SLC9A8: variants seen among roughly 807,000 people sequenced by gnomAD.
SLC9A8 encodes sodium/hydrogen exchanger 8.
SLC9A8 carries 48 observed loss-of-function variants against 66.6 expected under a neutral mutation model. The ratio of observed to expected loss-of-function variants is 0.72; its 90% CI spans 0.57 to 0.92. SLC9A8 has a LOEUF of 0.92. Among genes scored for constraint, SLC9A8 ranks in the 40% least tolerant of loss-of-function variants. SLC9A8 has a pLI of 0.00. For missense variants in SLC9A8, 599 were observed against 747.3 expected (o/e 0.80, Z 2.31); for synonymous variants, 274 against 282.6 (o/e 0.97, Z 0.31).
chr20:49,829,436 T>C (rs1327765793), intron 3 of SLC9A8: 6 of 182,178 alleles, frequency 3.3e-5, no homozygotes, highest in Non-Finnish European at 5.6e-5. Flanking sequence ...GGCAGGAGAA[T>C]AGCATGAACC....
chr20:49,824,068 C>T (rs771074705), intron 3 of SLC9A8, among the ~76,000 whole-genome samples: 2 of 152,206 alleles, frequency 1.3e-5, no homozygotes, highest in Non-Finnish European at 2.9e-5. Flanking sequence ...CCCCAGCAGT[C>T]CTACTACCTT....
chr20:49,843,738 T>C (rs1480873169), intron 4 of SLC9A8, among the ~76,000 whole-genome samples: 1 of 152,212 alleles, frequency 6.6e-6, no homozygotes, highest in Admixed American at 6.5e-5. Context: ...TAGTGGCACT[T>C]AATAATCAAA....
At chr20:49,860,242 G>A (rs1334614141) in intron 8 of SLC9A8, among the ~76,000 whole-genome samples, 4 of 152,126 alleles carry the variant, frequency 2.6e-5, no homozygotes, top group African/African-American at 9.7e-5. Flanking sequence ...GAAAGAAGGG[G>A]GATTGGGGAG....
chr20:49,883,916 C>G lies in SLC9A8; in HGVS notation c.1341C>G (p.Leu447=). The G allele has an allele frequency of 1.2e-6, 2 of 1,611,724 alleles. No individual in the cohort carries two copies. The highest frequency in any genetic ancestry group is 2.2e-5 in the South Asian group (2 of 91,090). Reference sequence around the variant, plus strand: ...TGGAGCCCATGGAGAAGCGGCAGCTCATCGGCACCACCACCATCGTCATCG... The same window carrying G: ...TGGAGCCCATGGAGAAGCGGCAGCTGATCGGCACCACCACCATCGTCATCG... ...LDLEPMEKRQ[L]IGTTTIVIVL... The change falls in exon 14 of 16, where the codon CTC becomes CTG. Residue 447 remains leucine, a synonymous_variant. Transcript: ENST00000361573.
At chr20:49,834,877 C>G (rs2087467480) in intron 3 of SLC9A8, among the ~76,000 whole-genome samples, 1 of 152,066 alleles carries the variant, frequency 6.6e-6, no homozygotes, top group African/African-American at 2.4e-5. Flanking sequence ...AAACACTAAG[C>G]TTTAAAAATG....
At chr20:49,875,883 C>T (rs1440332296) in intron 11 of SLC9A8, among the ~76,000 whole-genome samples, 4 of 152,130 alleles carry the variant, frequency 2.6e-5, no homozygotes, top group Admixed American at 6.5e-5. Flanking sequence ...TATAGGTGCC[C>T]GCCACCATGC....
chr20:49,874,893 A>C (rs1195172749), intron 11 of SLC9A8, 72 bp downstream of exon 11: 1 of 1,057,592 alleles, frequency 9.5e-7, no homozygotes, highest in Non-Finnish European at 1.5e-6. Flanking sequence ...CCTGTTTGAG[A>C]AGTCAGTTGA....
chr20:49,880,223 C>T (rs1351030150), intron 12 of SLC9A8, among the ~76,000 whole-genome samples: 2 of 145,754 alleles, frequency 1.4e-5, no homozygotes, highest in Non-Finnish European at 3.0e-5. Flanking sequence ...ACAATCACAC[C>T]ACTGCACTCC....
chr20:49,843,830 G>A (rs2087865721), intron 4 of SLC9A8, among the ~76,000 whole-genome samples: 1 of 152,166 alleles, frequency 6.6e-6, no homozygotes, highest in Non-Finnish European at 1.5e-5. Flanking sequence ...GGAAGTGTTT[G>A]GGTCATGGGG....
chr20:49,829,924 A>G, intron 3 of SLC9A8: 6 of 581,648 alleles, frequency 1.0e-5, no homozygotes, highest in South Asian at 8.4e-5. Context: ...AAAGAATCCA[A>G]GAGCAAAGTC....
At chr20:49,822,501 C>T (rs1600637968) in intron 2 of SLC9A8, among the ~76,000 whole-genome samples, 1 of 152,158 alleles carries the variant, frequency 6.6e-6, no homozygotes, top group South Asian at 2.1e-4. Flanking sequence ...AAATAGGTTT[C>T]TGGCTGATCA....
chr20:49,875,013 A>G (rs562648513), intron 11 of SLC9A8, among the ~76,000 whole-genome samples, 192 bp downstream of exon 11: 1 of 152,344 alleles, frequency 6.6e-6, no homozygotes, highest in African/African-American at 2.4e-5. Context: ...CAAACACCTA[A>G]TAAATGAACA....
At chr20:49,820,499 GA>G (rs947600690) in intron 2 of SLC9A8, among the ~76,000 whole-genome samples, 5 of 148,790 alleles carry the variant, frequency 3.4e-5, no homozygotes, top group South Asian at 2.1e-4. Flanking sequence ...CTGTCTCGGG[GA>G]AAAAAAAAAT....
chr20:49,841,335 G>A (rs1301298467), intron 4 of SLC9A8, among the ~76,000 whole-genome samples: 2 of 151,542 alleles, frequency 1.3e-5, no homozygotes, highest in East Asian at 3.9e-4. Context: ...AAAAAGTTGG[G>A]GCAGGCTTCC....
At chr20:49,850,233 C>T (rs1370312084) in intron 6 of SLC9A8, among the ~76,000 whole-genome samples, 1 of 152,206 alleles carries the variant, frequency 6.6e-6, no homozygotes, top group African/African-American at 2.4e-5. Flanking sequence ...GTTGGGTGGT[C>T]TCTACTTTAG....
chr20:49,815,228 C>A, intron 2 of SLC9A8, 39 bp downstream of exon 2: 2 of 1,456,204 alleles, frequency 1.4e-6, no homozygotes, highest in Non-Finnish European at 9.1e-7. Context: ...TCTGCCATCC[C>A]GTGTCTGTGT....
intron 3 of SLC9A8, among the ~76,000 whole-genome samples, chr20:49,823,413 T>C (rs77433243): frequency 0.019 from 2,841 of 152,314 alleles, 82 homozygotes; most frequent in African/African-American, 0.062. Context: ...CTTTTGCTTC[T>C]GGTAGAACTA....
At chr20:49,852,639 G>A (rs1032165710) in intron 7 of SLC9A8, among the ~76,000 whole-genome samples, 3 of 152,108 alleles carry the variant, frequency 2.0e-5, no homozygotes, top group Admixed American at 6.5e-5. Flanking sequence ...AACTTCTGGC[G>A]TTTAAAAGGC....
intron 11 of SLC9A8, among the ~76,000 whole-genome samples, chr20:49,875,707 C>G (rs1199947939): frequency 6.6e-6 from 1 of 152,006 alleles, no homozygotes; most frequent in Non-Finnish European, 1.5e-5. Context: ...TAGCTGTCAT[C>G]AAAATCACCC....
Sources: gnomAD v4.1 joint callset for allele counts (sites outside exome capture counted in the v4.1 genomes callset) on GRCh38, gnomAD v4.1.1 for gene constraint, MANE v1.5 for transcripts, NCBI Gene and HGNC (gene_info 2026-07-23, HGNC 2026-07-21) for gene names.